The following MGLL variants were observed in gnomAD, a reference collection of about 807,000 sequenced individuals.
The protein encoded by MGLL is lysophospholipase homolog.
MGLL carries 7 observed loss-of-function variants against 29.1 expected under a neutral mutation model. That is an observed-to-expected ratio of 0.24 (90% CI 0.14 to 0.45). MGLL has a LOEUF of 0.45. Among genes scored for constraint, MGLL ranks in the 20% least tolerant of loss-of-function variants. MGLL has a pLI of 0.99. For synonymous variants in MGLL, 148 were observed against 168.3 expected, an observed-to-expected ratio of 0.88 and a Z score of 0.93; for missense variants, 356 against 413.6, an observed-to-expected ratio of 0.86 and a Z score of 1.21.
At chr3:127,791,869 G>A (rs1026082772) in intron 2 of MGLL, among the ~76,000 whole-genome samples, 1 of 152,114 alleles carries the variant, frequency 6.6e-6, no homozygotes, top group East Asian at 1.9e-4. Context: ...TCAGGAGTTC[G>A]AGACCAACCT....
intron 2 of MGLL, among the ~76,000 whole-genome samples, chr3:127,811,342 G>A (rs1431587873): frequency 6.6e-6 from 1 of 152,224 alleles, no homozygotes; most frequent in African/African-American, 2.4e-5. Context: ...GAAGCTCATA[G>A]GTTGTTCTAC....
chr3:127,810,225 C>G (rs76225559), intron 2 of MGLL, among the ~76,000 whole-genome samples: 2,072 of 151,996 alleles, frequency 0.014, 41 homozygotes, highest in African/African-American at 0.047. Context: ...ACGCCTTGAT[C>G]TTGGACTTCT....
intron 3 of MGLL, among the ~76,000 whole-genome samples, chr3:127,728,815 G>A (rs1040411816): frequency 6.6e-6 from 1 of 152,186 alleles, no homozygotes; most frequent in African/African-American, 2.4e-5. Flanking sequence ...CCCTCCATGT[G>A]GGAGTGTCAC....
chr3:127,727,704 T>TAAAAAAAAAAA (rs1177079179), intron 3 of MGLL, among the ~76,000 whole-genome samples: 1 of 80,712 alleles, frequency 1.2e-5, no homozygotes, highest in African/African-American at 4.8e-5. Context: ...AGAGCAAGGC[T>TAAAAAAAAAAA]AAAAAAAAAA....
At chr3:127,804,088 A>G (rs1347437055) in intron 2 of MGLL, among the ~76,000 whole-genome samples, 1 of 152,260 alleles carries the variant, frequency 6.6e-6, no homozygotes, top group Non-Finnish European at 1.5e-5. Context: ...TAAAAAAACT[A>G]TGAAGAAATA....
At chr3:127,750,302 T>C (rs2076533758) in intron 3 of MGLL, among the ~76,000 whole-genome samples, 1 of 152,132 alleles carries the variant, frequency 6.6e-6, no homozygotes, top group Admixed American at 6.5e-5. Flanking sequence ...TCTGGGACAC[T>C]GGGCTAGGAA....
intron 6 of MGLL, among the ~76,000 whole-genome samples, chr3:127,696,999 C>T (rs912357866): frequency 2.6e-5 from 4 of 152,262 alleles, no homozygotes; most frequent in African/African-American, 9.6e-5. Flanking sequence ...CCTGCCATCC[C>T]TGGATTCCTT....
intron 3 of MGLL, among the ~76,000 whole-genome samples, chr3:127,734,612 C>G (rs1428976044): frequency 1.3e-5 from 2 of 152,222 alleles, no homozygotes; most frequent in Admixed American, 6.5e-5. Flanking sequence ...GAAACCAACT[C>G]CATTAAAAGA....
chr3:127,783,236 G>T (rs767515382), intron 2 of MGLL, among the ~76,000 whole-genome samples: 1 of 151,902 alleles, frequency 6.6e-6, no homozygotes, highest in Non-Finnish European at 1.5e-5. Flanking sequence ...TGTTGCCGCT[G>T]GCTGTCTGGT....
At chr3:127,727,366 T>G (rs2076065134) in intron 3 of MGLL, among the ~76,000 whole-genome samples, 1 of 152,168 alleles carries the variant, frequency 6.6e-6, no homozygotes, top group South Asian at 2.1e-4. Flanking sequence ...ACATGAGACT[T>G]AAGAAAACTT....
chr3:127,753,263 C>G (rs141322637), intron 3 of MGLL, among the ~76,000 whole-genome samples: 64 of 152,318 alleles, frequency 4.2e-4, no homozygotes, highest in African/African-American at 1.4e-3. Flanking sequence ...GTGTTCTGGA[C>G]AGGTGAGGGG....
intron 3 of MGLL, among the ~76,000 whole-genome samples, chr3:127,732,130 T>G (rs2107642280): frequency 6.6e-6 from 1 of 152,316 alleles, no homozygotes; most frequent in African/African-American, 2.4e-5. Flanking sequence ...GAACCAGGCT[T>G]TCTTAGCATT....
At position 127,748,419 on chromosome 3, in the gene MGLL, A is replaced by AGAGAGAGAGG. The variant is rs1205867939; in HGVS notation, c.263-25863_263-25854dup. ...GAGAGAGAGAGAGAAAGAGAGAGAGAGAGAGAGAGGGAGAGAGAGAGAGAG... is the reference window on the plus strand; with the variant it reads ...GAGAGAGAGAGAGAAAGAGAGAGAGAGAGAGAGAGGGAGAGAGAGGGAGAGAGAGAGAGAG... On this transcript the variant is annotated intron_variant, in intron 3 of 7. Transcript: ENST00000265052. 6.2e-3 allele frequency among the ~76,000 whole-genome samples: 738 copies of AGAGAGAGAGG among 119,748 alleles called. 6 individuals carry two copies. Among genetic ancestry groups the AGAGAGAGAGG allele is most frequent in the African/African-American group, 0.019 (679 of 36,162 alleles). The allele number at this position is 119,748 out of a possible 152,430, so 78.6% of individuals were successfully genotyped here. A position where few individuals can be genotyped will look rare whatever the true frequency, so the allele number is the denominator to read the frequency against.
intron 2 of MGLL, among the ~76,000 whole-genome samples, chr3:127,820,323 C>T (rs994255598): frequency 3.9e-5 from 6 of 152,120 alleles, no homozygotes; most frequent in African/African-American, 9.7e-5. Flanking sequence ...GAAAACCACC[C>T]GCAGGCGAAG....
chr3:127,734,921 G>A (rs768261968), intron 3 of MGLL, among the ~76,000 whole-genome samples: 9 of 152,218 alleles, frequency 5.9e-5, no homozygotes, highest in Non-Finnish European at 1.2e-4. Context: ...CCAACCCACA[G>A]GAAGTCAGCC....
Position 127,722,368 on chromosome 3 carries a change from C to T in MGLL, c.399+62G>A, listed in dbSNP as rs2075945159. On this transcript the variant is annotated intron_variant, in intron 4 of 7. Transcript: ENST00000265052. ...GGGGGCAGGAAGTCAGGGCCACCCC[C>T]TTCCCCCTGCAAGGCTGGAAGCCAG... The T allele has an allele frequency of 4.3e-6, 7 of 1,610,376 alleles. No individual in the cohort carries two copies. The Admixed American group carries it at 1.0e-4, about 23-fold the overall frequency.
intron 3 of MGLL, among the ~76,000 whole-genome samples, chr3:127,737,532 G>T (rs1244765437): frequency 6.6e-6 from 1 of 150,446 alleles, no homozygotes; most frequent in African/African-American, 2.4e-5. Flanking sequence ...AGACCAAAGC[G>T]GCCCTGTATT....
intron 3 of MGLL, among the ~76,000 whole-genome samples, chr3:127,744,423 C>T (rs2076403246): frequency 2.6e-5 from 4 of 152,216 alleles, no homozygotes; most frequent in Admixed American, 2.6e-4. Flanking sequence ...TGCCACGTGT[C>T]ATGCCCACAG....
At chr3:127,736,179 G>T (rs2076239184) in intron 3 of MGLL, 1 of 971,776 alleles carries the variant, frequency 1.0e-6, no homozygotes. Flanking sequence ...CACTTCTGCT[G>T]AAATTATTGT....
Sources: gnomAD v4.1 joint callset for allele counts (sites outside exome capture counted in the v4.1 genomes callset) on GRCh38, gnomAD v4.1.1 for gene constraint, MANE v1.5 for transcripts, NCBI Gene and HGNC (gene_info 2026-07-23, HGNC 2026-07-21) for gene names.